Variants in AREG observed in about 807,000 individuals in gnomAD.
The protein encoded by AREG is amphiregulin B.
A neutral mutation model predicts 28.0 loss-of-function variants in AREG; 16 were observed. That is an observed-to-expected ratio of 0.57 (90% CI 0.39 to 0.87). The LOEUF (loss-of-function observed/expected upper bound fraction) is 0.87, where lower values mean the gene tolerates loss of function less well. Ranked by LOEUF, AREG falls within the 40% of genes least tolerant of loss-of-function variation. The probability of loss-of-function intolerance (pLI) is 0.00; values close to 1 mark genes in which losing one functional copy is unlikely to be tolerated. For missense variants in AREG, 287 were observed against 309.1 expected (o/e 0.93, Z 0.53); for synonymous variants, 113 against 113.5 (o/e 1.00, Z 0.02).
At chr4:74,450,116 G>T (rs1372626168) in intron 3 of AREG, among the ~76,000 whole-genome samples, 2 of 152,048 alleles carry the variant, frequency 1.3e-5, no homozygotes, top group Non-Finnish European at 2.9e-5. Context: ...ACAAATCACT[G>T]AACTCATCAG....
chr4:74,448,429 C>T (rs1719326508), intron 2 of AREG, among the ~76,000 whole-genome samples: 1 of 152,122 alleles, frequency 6.6e-6, no homozygotes, highest in Non-Finnish European at 1.5e-5. Context: ...TGAATGGGTG[C>T]TGCATGACCA....
chr4:74,454,347 A>AG (rs1360755167), intron 5 of AREG, among the ~76,000 whole-genome samples: 4 of 152,208 alleles, frequency 2.6e-5, no homozygotes, highest in African/African-American at 9.6e-5. Context: ...AGTTACTATT[A>AG]TTATGCCCTT....
At position 74,445,137 on chromosome 4, in the gene AREG, G is replaced by A. The variant is rs1201838711; in HGVS notation, c.-209G>A. ...AGCGGCAGGTGCGCGCCGCCCTACAGACGTTCGCACACCTGGGTGCCAGCG... is the reference window on the plus strand; with the variant it reads ...AGCGGCAGGTGCGCGCCGCCCTACAAACGTTCGCACACCTGGGTGCCAGCG... On this transcript the variant is annotated 5_prime_UTR_variant, in exon 1 of 6. Coordinates refer to ENST00000395748, the MANE Select transcript of AREG (RefSeq NM_001657.4). 8.9e-6 allele frequency: 10 copies of A among 1,119,306 alleles called. No individual in the cohort carries two copies. Among genetic ancestry groups the A allele is most frequent in the African/African-American group, 1.6e-5 (1 of 61,948 alleles). 69.3% of individuals were successfully genotyped at this position (1,119,306 alleles called of 1,614,324 possible).
intron 3 of AREG, among the ~76,000 whole-genome samples, 197 bp downstream of exon 3, chr4:74,449,445 C>T (rs1410650869): frequency 6.6e-6 from 1 of 152,120 alleles, no homozygotes; most frequent in Non-Finnish European, 1.5e-5. Flanking sequence ...TAAAGTGTAA[C>T]CATTTAAAAA....
At chr4:74,448,773 ACT>A in intron 2 of AREG, 1 of 387,860 alleles carries the variant, frequency 2.6e-6, no homozygotes, top group South Asian at 4.7e-5. Flanking sequence ...ACATAGAGTA[ACT>A]CTAATTTATA....
intron 5 of AREG, among the ~76,000 whole-genome samples, chr4:74,453,050 G>A (rs981124845): frequency 6.6e-5 from 10 of 152,318 alleles, no homozygotes; most frequent in Middle Eastern, 3.4e-3. Flanking sequence ...GAAAAGATGT[G>A]TTCGGGGTGG....
At chr4:74,450,010 T>G (rs1719357216) in intron 3 of AREG, among the ~76,000 whole-genome samples, 1 of 151,980 alleles carries the variant, frequency 6.6e-6, no homozygotes, top group Non-Finnish European at 1.5e-5. Context: ...TAAAGGTAAT[T>G]TTTGCATAAT....
intron 2 of AREG, among the ~76,000 whole-genome samples, chr4:74,448,303 A>C (rs1279713120): frequency 6.6e-6 from 1 of 152,198 alleles, no homozygotes; most frequent in African/African-American, 2.4e-5. Context: ...ACTTTTGTTA[A>C]ATGTTATTAT....
chr4:74,448,951 C>T (rs1338876833), intron 2 of AREG, 96 bp from the exon 3 acceptor site: 16 of 1,532,376 alleles, frequency 1.0e-5, no homozygotes, highest in Middle Eastern at 3.4e-4. Flanking sequence ...GGCTGTTACC[C>T]CTGTGAGCGC....
In AREG at chr4:74,449,109, A is replaced by G; in HGVS notation, c.373A>G (p.Lys125Glu). The part of the protein sequence containing the change: ...TESENTSDKP[K>E]RKKKGGKNGK... ...AAGTGAAAATACTTCAGATAAACCC[A>G]AAAGAAAGAAAAAGGGAGGCAAAAA... The change falls in exon 3 of 6, where the codon AAA (lysine) becomes GAA (glutamate). Residue 125 changes from lysine (K) to glutamate (E), a missense_variant. By Grantham distance (56) the Lys-to-Glu change is moderately conservative. Transcript: ENST00000395748. The G allele has an allele frequency of 1.2e-6, 2 of 1,612,544 alleles. No individual in the cohort carries two copies. Among genetic ancestry groups the G allele is most frequent in the Non-Finnish European group, 1.7e-6 (2 of 1,179,696 alleles).
chr4:74,453,920 TAA>T (rs530764462), intron 5 of AREG, among the ~76,000 whole-genome samples: 52 of 123,198 alleles, frequency 4.2e-4, no homozygotes, highest in Admixed American at 5.8e-4. Context: ...AACTCCATCT[TAA>T]AAAAAAAAAA....
At position 74,449,204 on chromosome 4, in the gene AREG, C is replaced by T. The variant is rs750763869; in HGVS notation, c.468C>T (p.His156=). The T allele has an allele frequency of 1.9e-5, 31 of 1,613,044 alleles. No homozygotes were observed. The highest frequency in any genetic ancestry group is 5.4e-5 in the African/African-American group (4 of 74,722). Residue 156 remains histidine, a synonymous_variant, in exon 3 of 6, where the codon CAC becomes CAT. Transcript: ENST00000395748. ...CNAEFQNFCI[H]GECKYIEHLE... is the part of the protein sequence containing the mutation. Reference sequence around the variant, plus strand: ...CAGAATTTCAAAATTTCTGCATTCACGGAGAATGCAAATATATAGAGCACC... The same window carrying T: ...CAGAATTTCAAAATTTCTGCATTCATGGAGAATGCAAATATATAGAGCACC...
chr4:74,448,790 T>A (rs1719332505), intron 2 of AREG: 1 of 426,856 alleles, frequency 2.3e-6, no homozygotes, highest in South Asian at 4.6e-5. Context: ...TTTATAATTC[T>A]CAGTTTTTTC....
At chr4:74,447,367 G>T (rs1248883386) in intron 2 of AREG, among the ~76,000 whole-genome samples, 1 of 152,150 alleles carries the variant, frequency 6.6e-6, no homozygotes, top group Non-Finnish European at 1.5e-5. Context: ...ATGAGAAGCT[G>T]ATGGAATAAT....
chr4:74,453,875 G>A (rs893210546), intron 5 of AREG, among the ~76,000 whole-genome samples: 77 of 150,376 alleles, frequency 5.1e-4, no homozygotes, highest in Admixed American at 8.6e-4. Context: ...AGCCAAGATC[G>A]CGCCATTGCA....
At chr4:74,450,279 T>G in intron 3 of AREG, 101 bp from the exon 4 acceptor site, 1 of 1,592,732 alleles carries the variant, frequency 6.3e-7, no homozygotes, top group Non-Finnish European at 8.6e-7. Flanking sequence ...GCATAACTTT[T>G]TTAATGTTGG....
intron 2 of AREG, 151 bp downstream of exon 2, chr4:74,446,933 C>T (rs1364865258): frequency 1.2e-4 from 181 of 1,515,868 alleles, no homozygotes; most frequent in Non-Finnish European, 1.6e-4. Context: ...CAAAAAGAAC[C>T]ATAATGTGGG....
At chr4:74,445,978 CAAT>C (rs1470181551) in intron 1 of AREG, among the ~76,000 whole-genome samples, 5 of 151,832 alleles carry the variant, frequency 3.3e-5, no homozygotes, top group African/African-American at 7.3e-5. Flanking sequence ...TGAAAAATGA[CAAT>C]AATAATCGAT....
Position 74,449,038 on chromosome 4 carries a change from CTT to C in AREG, c.311-4_311-3del. Reference sequence around the variant, plus strand: ...AGAGACTCTTGTCAATAAATCTTTTCTTTTTTAGTTGAACAGGTAGTTAAGCC... The same window carrying C: ...AGAGACTCTTGTCAATAAATCTTTTCTTTTAGTTGAACAGGTAGTTAAGCC... On this transcript the variant is annotated splice_region_variant and splice_polypyrimidine_tract_variant and intron_variant, in intron 2 of 5. Coordinates refer to ENST00000395748, the MANE Select transcript of AREG (RefSeq NM_001657.4). 1 of 1,607,410 alleles carries C rather than the reference CTT, an allele frequency of 6.2e-7. No individual in the cohort carries two copies. The highest frequency in any genetic ancestry group is 8.5e-7 in the Non-Finnish European group (1 of 1,178,868).
Sources: gnomAD v4.1 joint callset for allele counts (sites outside exome capture counted in the v4.1 genomes callset) on GRCh38, gnomAD v4.1.1 for gene constraint, MANE v1.5 for transcripts, NCBI Gene and HGNC (gene_info 2026-07-23, HGNC 2026-07-21) for gene names.